The following ESYT3 variants were observed in gnomAD, a reference collection of about 807,000 sequenced individuals.
ESYT3 encodes extended synaptotagmin-3.
In ESYT3, 101 loss-of-function variants were observed where a neutral mutation model predicts 111.5. The observed-to-expected ratio is 0.91, with a 90% CI of 0.77 to 1.07. The LOEUF (loss-of-function observed/expected upper bound fraction) is 1.07, where lower values mean the gene tolerates loss of function less well. Ranked by LOEUF, ESYT3 falls within the 50% of genes least tolerant of loss-of-function variation. ESYT3 has a pLI of 0.00. For synonymous variants in ESYT3, 416 were observed against 446.8 expected (o/e 0.93, Z 0.87); for missense variants, 1,097 against 1,109.4 (o/e 0.99, Z 0.16).
At chr3:138,460,767 T>C in intron 7 of ESYT3, 101 bp downstream of exon 7, 1 of 1,232,070 alleles carries the variant, frequency 8.1e-7, no homozygotes, top group Non-Finnish European at 1.2e-6. Context: ...CTTTCCCTCC[T>C]GGTGCTCTCT....
chr3:138,434,965 G>A lies in ESYT3; in HGVS notation c.167G>A (p.Gly56Glu). The A allele has an allele frequency of 1.9e-6, 3 of 1,555,160 alleles. No homozygotes were observed. ...CCTGTCTACCTAGCTGGCTACCTGG[G>A]GCTCAGCATAACCTGGTTGCTGCTC... is the stretch of plus-strand genomic sequence containing the variant. ...LGPVYLAGYL[G>E]LSITWLLLGA... The change falls in exon 1 of 23, where the codon GGG becomes GAG. Residue 56 changes from glycine (G) to glutamate (E), a missense_variant. Transcript: ENST00000389567.
At position 138,476,471 on chromosome 3, in the gene ESYT3, T is replaced by A; in HGVS notation, c.2603T>A (p.Leu868Gln). 6.2e-7 allele frequency: 1 copy of A among 1,613,868 alleles called. No individual in the cohort carries two copies. Among genetic ancestry groups the A allele is most frequent in the South Asian group, 1.1e-5 (1 of 91,064 alleles). ...CTGATTGACTTATCAAAAGAAGATC[T>A]GATTAAGGGCTTTTCACAATGGTAA... ...KVLIDLSKED[L>Q]IKGFSQWYEL... Residue 868 changes from leucine to glutamine, a missense_variant, in exon 22 of 23, where the codon CTG (leucine) becomes CAG (glutamine). Leu to Gln is a moderately radical substitution (Grantham distance 113). Coordinates refer to ENST00000389567, the MANE Select transcript of ESYT3 (RefSeq NM_031913.5).
At chr3:138,464,587 C>T (rs2032829243) in intron 9 of ESYT3, 72 bp downstream of exon 9, 5 of 1,523,100 alleles carry the variant, frequency 3.3e-6, no homozygotes, top group Non-Finnish European at 4.5e-6. Context: ...AGGGGCAACA[C>T]TAGGCAGGGA....
At chr3:138,441,226 C>T (rs953816948) in intron 1 of ESYT3, among the ~76,000 whole-genome samples, 1 of 152,208 alleles carries the variant, frequency 6.6e-6, no homozygotes, top group Non-Finnish European at 1.5e-5. Context: ...AATACCTGCG[C>T]TCACATGAGA....
intron 13 of ESYT3, 39 bp downstream of exon 13, chr3:138,468,756 C>G: frequency 6.2e-7 from 1 of 1,613,440 alleles, no homozygotes; most frequent in Non-Finnish European, 8.5e-7. Flanking sequence ...ACAAACGCAA[C>G]AAAGTGCCCA....
Position 138,467,607 on chromosome 3 carries a change from G to A in ESYT3, c.1216G>A (p.Glu406Lys), listed in dbSNP as rs1172235105. Residue 406 changes from glutamate to lysine, a missense_variant and splice_region_variant, in exon 11 of 23, where the codon GAG becomes AAG. Coordinates refer to ENST00000389567, the MANE Select transcript of ESYT3 (RefSeq NM_031913.5). ...GDVMTNRVVDEWFVLNDTTSG... is the reference protein window; with the variant it reads ...GDVMTNRVVDKWFVLNDTTSG... ...TGTCATGACCAACAGAGTGGTGGATGAGGTACAGTTGGTGCTTGCAACCCT... is the reference window on the plus strand; with the variant it reads ...TGTCATGACCAACAGAGTGGTGGATAAGGTACAGTTGGTGCTTGCAACCCT... The A allele has an allele frequency of 6.2e-7, 1 of 1,614,118 alleles. No homozygotes were observed. Among genetic ancestry groups the A allele is most frequent in the Non-Finnish European group, 8.5e-7 (1 of 1,179,988 alleles).
intron 18 of ESYT3, chr3:138,473,103 C>G: frequency 1.4e-6 from 2 of 1,395,470 alleles, no homozygotes; most frequent in Non-Finnish European, 1.9e-6. Context: ...GGTAAGGTCC[C>G]TTCCAGCAGA....
At chr3:138,447,432 T>C (rs930443777) in intron 1 of ESYT3, among the ~76,000 whole-genome samples, 2 of 152,202 alleles carry the variant, frequency 1.3e-5, no homozygotes, top group Non-Finnish European at 2.9e-5. Context: ...TGAAAACTCA[T>C]TAAGAGGAAG....
intron 1 of ESYT3, among the ~76,000 whole-genome samples, chr3:138,446,849 A>G (rs2031574281): frequency 6.6e-6 from 1 of 152,154 alleles, no homozygotes; most frequent in African/African-American, 2.4e-5. Context: ...AACATGACCT[A>G]ATCCCGTCTC....
intron 20 of ESYT3, 92 bp downstream of exon 20, chr3:138,474,444 G>T (rs1315566583): frequency 7.0e-7 from 1 of 1,425,456 alleles, no homozygotes; most frequent in Non-Finnish European, 9.4e-7. Flanking sequence ...CCAGATGCTG[G>T]AAGGGGCTAT....
intron 1 of ESYT3, among the ~76,000 whole-genome samples, chr3:138,441,712 A>G (rs918004426): frequency 1.3e-5 from 2 of 152,162 alleles, no homozygotes; most frequent in African/African-American, 4.8e-5. Flanking sequence ...AAGTGCTCAC[A>G]TGTGCTTGAG....
At chr3:138,475,744 A>T (rs1204682286) in intron 20 of ESYT3, among the ~76,000 whole-genome samples, 1 of 152,118 alleles carries the variant, frequency 6.6e-6, no homozygotes, top group Admixed American at 6.5e-5. Context: ...CCTGACCAAC[A>T]TGGTGAAACC....
chr3:138,443,736 C>CTGTGTG (rs11268903), intron 1 of ESYT3, among the ~76,000 whole-genome samples: 111,164 of 147,904 alleles, frequency 0.75, 42,236 homozygotes, highest in Non-Finnish European at 0.84. Context: ...GTTTGTGCAT[C>CTGTGTG]TGTGTGTGTG....
intron 2 of ESYT3, among the ~76,000 whole-genome samples, chr3:138,452,613 A>G (rs2032019575): frequency 6.6e-6 from 1 of 152,190 alleles, no homozygotes; most frequent in Admixed American, 6.5e-5. Flanking sequence ...AGATGTCCCA[A>G]GGAGGCTCCT....
chr3:138,445,278 T>C (rs1238098000), intron 1 of ESYT3, among the ~76,000 whole-genome samples: 1 of 152,158 alleles, frequency 6.6e-6, no homozygotes, highest in African/African-American at 2.4e-5. Context: ...TGTGAGCCAC[T>C]CATCTTATTT....
chr3:138,452,142 C>T, intron 2 of ESYT3, 53 bp downstream of exon 2: 2 of 1,574,154 alleles, frequency 1.3e-6, no homozygotes, highest in Non-Finnish European at 1.7e-6. Context: ...GCCTCGTCCT[C>T]CCCGCGGCTG....
chr3:138,463,284 C>T (rs754839390), intron 8 of ESYT3, among the ~76,000 whole-genome samples: 13 of 151,764 alleles, frequency 8.6e-5, no homozygotes, highest in East Asian at 1.9e-4. Context: ...TAGTAGAGAC[C>T]GGGTTTCACC....
At chr3:138,468,634 A>AG (rs749836183) in intron 12 of ESYT3, 21 bp from the exon 13 acceptor site, 20 of 1,613,504 alleles carry the variant, frequency 1.2e-5, no homozygotes, top group Non-Finnish European at 1.7e-5. Flanking sequence ...GTACCCAGTG[A>AG]GGGTCTGTGT....
Position 138,435,523 on chromosome 3 carries a change from CA to C in ESYT3, c.327+402del, listed in dbSNP as rs771369234. 1.2e-3 allele frequency among the ~76,000 whole-genome samples: 180 copies of C among 152,342 alleles called. 1 individual carries two copies. Among genetic ancestry groups the C allele is most frequent in the Non-Finnish European group, 2.1e-3 (146 of 68,030 alleles). On this transcript the variant is annotated intron_variant, in intron 1 of 22. Transcript: ENST00000389567. The surrounding 1 kb of genome is among the most constrained non-coding windows in gnomAD (Gnocchi z 4.8). ...TGATTCAGAGAACGAACGCCGGACG[CA>C]AAACGTAGATGGGCAAATACCGCAG...
Sources: gnomAD v4.1 joint callset for allele counts (sites outside exome capture counted in the v4.1 genomes callset) on GRCh38, gnomAD v4.1.1 for gene constraint, Gnocchi (gnomAD v3.1) non-coding constraint, MANE v1.5 for transcripts, NCBI Gene and HGNC (gene_info 2026-07-23, HGNC 2026-07-21) for gene names.